The following MROH2B variants were observed in gnomAD, a reference collection of about 807,000 sequenced individuals.
MROH2B encodes maestro heat like repeat family member 2B.
A neutral mutation model predicts 208.6 loss-of-function variants in MROH2B; 177 were observed. The observed-to-expected ratio is 0.85, with a 90% CI of 0.75 to 0.96. The LOEUF is 0.96. Ranked by LOEUF, MROH2B falls within the 40% of genes least tolerant of loss-of-function variation. The pLI is 0.00. For missense variants in MROH2B, 2,002 were observed against 1,878.7 expected (o/e 1.07, Z -1.21); for synonymous variants, 728 against 659.0 (o/e 1.10, Z -1.60).
chr5:41,005,514 G>A lies in MROH2B; in HGVS notation c.3864+17C>T. 1 of 1,570,120 alleles carries A rather than the reference G, an allele frequency of 6.4e-7. No individual in the cohort carries two copies. Among genetic ancestry groups the A allele is most frequent in the Non-Finnish European group, 8.7e-7 (1 of 1,154,850 alleles). On this transcript the variant is annotated intron_variant, in intron 35 of 41. Coordinates refer to ENST00000399564, the MANE Select transcript of MROH2B (RefSeq NM_173489.5). Reference sequence around the variant, plus strand: ...TGGGGACCCAGTGAGTGTGCTCTGAGGGCTGTTCTCCCTTGCCTCAGAGAA... The same window carrying A: ...TGGGGACCCAGTGAGTGTGCTCTGAAGGCTGTTCTCCCTTGCCTCAGAGAA...
chr5:41,065,250 C>T, intron 4 of MROH2B, 81 bp downstream of exon 4: 2 of 1,358,798 alleles, frequency 1.5e-6, no homozygotes, highest in South Asian at 1.4e-5. Context: ...GCTATCTCTT[C>T]TACCGTTTGC....
intron 24 of MROH2B, among the ~76,000 whole-genome samples, chr5:41,026,360 G>A (rs1006724127): frequency 2.0e-5 from 3 of 152,126 alleles, no homozygotes; most frequent in African/African-American, 7.2e-5. Context: ...AAATCAATGT[G>A]CAAAAATCAC....
chr5:41,012,746 A>C lies in MROH2B; in HGVS notation c.2983-11T>G. 1 of 1,613,014 alleles carries C rather than the reference A, an allele frequency of 6.2e-7. No homozygotes were observed. The highest frequency in any genetic ancestry group is 8.5e-7 in the Non-Finnish European group (1 of 1,179,470). The stretch of plus-strand genomic sequence containing the variant: ...GAACTTACTGACAATCTGAAAATGC[A>C]CCCAGAAAGATTCGTGTAATCAACC... On this transcript the variant is annotated splice_polypyrimidine_tract_variant and intron_variant, in intron 29 of 41. Coordinates refer to ENST00000399564, the MANE Select transcript of MROH2B (RefSeq NM_173489.5).
At chr5:41,030,719 A>G (rs1196218447) in intron 24 of MROH2B, among the ~76,000 whole-genome samples, 2 of 152,126 alleles carry the variant, frequency 1.3e-5, no homozygotes, top group Non-Finnish European at 2.9e-5. Flanking sequence ...CCTGATTTAT[A>G]TAAAACTATA....
Position 41,064,478 on chromosome 5 carries a change from A to G in MROH2B, c.454T>C (p.Cys152Arg). ...AEDERMKGTF[C>R]IALEKFSKAI... ...AAATCATCGGGATACCCACCAATAC[A>G]GAAAGTCCCCTTCATCCTTTCATCC... The change falls in exon 5 of 42, where the codon TGT (cysteine) becomes CGT (arginine). Residue 152 changes from cysteine to arginine, a missense_variant. Cys to Arg is a radical substitution (Grantham distance 180). Transcript: ENST00000399564. The G allele has an allele frequency of 6.2e-7, 1 of 1,613,062 alleles. No homozygotes were observed. The highest frequency in any genetic ancestry group is 8.5e-7 in the Non-Finnish European group (1 of 1,179,286).
At position 41,009,256 on chromosome 5, in the gene MROH2B, A is replaced by G. The variant is rs769159246; in HGVS notation, c.3420+24T>C. The G allele has an allele frequency of 3.1e-6, 5 of 1,612,246 alleles. No homozygotes were observed. The African/African-American group carries it at 6.7e-5, about 22-fold the overall frequency. ...AAGATGGCGCAGTCTCAGGCAAGTG[A>G]TGGGTTCAGGCTGTCCAACTCACTG... On this transcript the variant is annotated intron_variant, in intron 32 of 41. Coordinates refer to ENST00000399564, the MANE Select transcript of MROH2B (RefSeq NM_173489.5).
intron 21 of MROH2B, 126 bp from the exon 22 acceptor site, chr5:41,033,990 A>G: frequency 8.7e-7 from 1 of 1,148,782 alleles, no homozygotes; most frequent in Non-Finnish European, 1.1e-6. Context: ...AGCCTTGCCA[A>G]GGGGGGTCTT....
intron 17 of MROH2B, 53 bp from the exon 18 acceptor site, chr5:41,045,906 T>C (rs755085790): frequency 7.6e-7 from 1 of 1,318,252 alleles, no homozygotes; most frequent in East Asian, 2.4e-5. Context: ...ATGTGCTTTC[T>C]TGGCATATTT....
In MROH2B at chr5:41,055,787, G is replaced by T; in HGVS notation, c.988C>A (p.Arg330=). Reference sequence around the variant, plus strand: ...CTTAACAAAGTCAAGATTCCCACTCGAATGGCTTCATTATTACTTCTTACT... The same window carrying T: ...CTTAACAAAGTCAAGATTCCCACTCTAATGGCTTCATTATTACTTCTTACT... ...EQVRSNNEAI[R]VGILTLLRLA... is the part of the protein sequence containing the mutation. The change falls in exon 10 of 42, where the codon CGA becomes AGA. Residue 330 remains arginine, a synonymous_variant. Coordinates refer to ENST00000399564, the MANE Select transcript of MROH2B (RefSeq NM_173489.5). 1 of 1,613,762 alleles carries T rather than the reference G, an allele frequency of 6.2e-7. No homozygotes were observed. Among genetic ancestry groups the T allele is most frequent in the Non-Finnish European group, 8.5e-7 (1 of 1,179,816 alleles).
chr5:41,048,787 A>T (rs561551994), intron 15 of MROH2B, among the ~76,000 whole-genome samples: 45 of 152,310 alleles, frequency 3.0e-4, no homozygotes, highest in Non-Finnish European at 4.3e-4. Context: ...AATCATCCAT[A>T]TGGGGCCAAA....
Position 41,005,173 on chromosome 5 carries a change from G to A in MROH2B, c.3865-253C>T, listed in dbSNP as rs1244637658. 1.3e-5 allele frequency: 7 copies of A among 538,932 alleles called. No individual in the cohort carries two copies. The East Asian group carries it at 1.8e-4, about 14-fold the overall frequency. 33.4% of individuals were successfully genotyped at this position (538,932 alleles called of 1,614,324 possible). On this transcript the variant is annotated intron_variant, in intron 35 of 41. Coordinates refer to ENST00000399564, the MANE Select transcript of MROH2B (RefSeq NM_173489.5). Reference sequence around the variant, plus strand: ...ATGTCTAGTCTCAATGGAAAATGGGGCAGGGAAAACAGGAATGACTGATAG... The same window carrying A: ...ATGTCTAGTCTCAATGGAAAATGGGACAGGGAAAACAGGAATGACTGATAG...
intron 17 of MROH2B, among the ~76,000 whole-genome samples, chr5:41,046,244 C>A (rs7709597): frequency 0.036 from 5,325 of 149,986 alleles, 315 homozygotes; most frequent in African/African-American, 0.12. Flanking sequence ...AAAAAAAAAA[C>A]CCCAAACACG....
chr5:41,047,603 A>G, intron 17 of MROH2B, 118 bp downstream of exon 17: 1 of 921,946 alleles, frequency 1.1e-6, no homozygotes, highest in Non-Finnish European at 1.7e-6. Context: ...ATTCTTTTCC[A>G]AAGAAAGGAA....
chr5:41,037,122 G>C (rs1016487751), intron 21 of MROH2B, among the ~76,000 whole-genome samples: 1 of 152,002 alleles, frequency 6.6e-6, no homozygotes, highest in Non-Finnish European at 1.5e-5. Context: ...CACCCCACCT[G>C]GGCAATTGTT....
chr5:41,025,989 C>A (rs1255602946), intron 24 of MROH2B, among the ~76,000 whole-genome samples: 1 of 152,098 alleles, frequency 6.6e-6, no homozygotes, highest in African/African-American at 2.4e-5. Flanking sequence ...TTCAACAGCC[C>A]CTCATGCTAA....
chr5:41,014,409 G>A (rs745368614), intron 29 of MROH2B, among the ~76,000 whole-genome samples: 12 of 152,124 alleles, frequency 7.9e-5, no homozygotes, highest in Non-Finnish European at 1.2e-4. Context: ...GACACAGGAA[G>A]GGGAACATCA....
At chr5:41,056,581 G>T (rs1743459193) in intron 9 of MROH2B, among the ~76,000 whole-genome samples, 1 of 151,720 alleles carries the variant, frequency 6.6e-6, no homozygotes, top group Non-Finnish European at 1.5e-5. Context: ...GGATTTTGGT[G>T]CCCCCCGTGC....
intron 35 of MROH2B, 109 bp downstream of exon 35, chr5:41,005,422 C>CACT: frequency 6.6e-6 from 1 of 151,118 alleles, no homozygotes; most frequent in Non-Finnish European, 1.4e-5. Flanking sequence ...AACCCCCCCC[C>CACT]CCCTTGAAGT....
At chr5:41,052,009 C>T (rs1743298984) in intron 12 of MROH2B, among the ~76,000 whole-genome samples, 1 of 151,840 alleles carries the variant, frequency 6.6e-6, no homozygotes, top group South Asian at 2.1e-4. Flanking sequence ...TTCACTGTTC[C>T]ATGGTATTTT....
Sources: gnomAD v4.1 joint callset for allele counts (sites outside exome capture counted in the v4.1 genomes callset) on GRCh38, gnomAD v4.1.1 for gene constraint, MANE v1.5 for transcripts, NCBI Gene and HGNC (gene_info 2026-07-23, HGNC 2026-07-21) for gene names.